Variants in POLR1C observed in about 807,000 individuals in gnomAD.
POLR1C encodes DNA-directed RNA polymerases I and III subunit RPAC1.
A neutral mutation model predicts 38.3 loss-of-function variants in POLR1C; 42 were observed. That is an observed-to-expected ratio of 1.10 (90% CI 0.86 to 1.42). POLR1C has a LOEUF of 1.42. Ranked by LOEUF, POLR1C falls within the 40% of genes most tolerant of loss-of-function variation. The pLI is 0.00. For missense variants in POLR1C, 507 were observed against 450.5 expected, an observed-to-expected ratio of 1.13 and a Z score of -1.14; for synonymous variants, 163 against 163.9, an observed-to-expected ratio of 0.99 and a Z score of 0.04.
At chr6:43,557,113 G>A (rs1162778722) in intron 10 of POLR1C, among the ~76,000 whole-genome samples, 4 of 124,232 alleles carry the variant, frequency 3.2e-5, no homozygotes, top group African/African-American at 1.0e-4. Context: ...GGGCGACAGA[G>A]CAAGACTCCA....
At chr6:43,529,198 G>T in intron 8 of POLR1C, 1 of 1,441,030 alleles carries the variant, frequency 6.9e-7, no homozygotes, top group South Asian at 1.1e-5. Flanking sequence ...AAATAGGAAG[G>T]AGGACATCCT....
chr6:43,532,846 C>T (rs1168884388), downstream of POLR1C, among the ~76,000 whole-genome samples: 1 of 152,160 alleles, frequency 6.6e-6, no homozygotes, highest in Non-Finnish European at 1.5e-5. Flanking sequence ...AGTATCCTAA[C>T]AAGGTCACAA....
chr6:43,542,335 G>A (rs767377973), intron 9 of POLR1C, among the ~76,000 whole-genome samples: 7 of 152,066 alleles, frequency 4.6e-5, no homozygotes, highest in Non-Finnish European at 7.4e-5. Flanking sequence ...ATTATTTGAC[G>A]CAGGAGGTGC....
chr6:43,521,053 G>A lies in POLR1C; in HGVS notation c.922+5G>A. On this transcript the variant is annotated splice_donor_5th_base_variant and intron_variant, in intron 8 of 8. Transcript: ENST00000642195. ...GGGTTCGAGATCATTATATCTGTGA[G>A]TATGAAGTGGTGAGATGAGTGGGCA... is the stretch of plus-strand genomic sequence containing the variant. 1 of 1,610,216 alleles carries A rather than the reference G, an allele frequency of 6.2e-7. No homozygotes were observed. The highest frequency in any genetic ancestry group is 2.2e-5 in the East Asian group (1 of 44,874).
chr6:43,528,948 T>C, intron 8 of POLR1C: 2 of 1,602,950 alleles, frequency 1.2e-6, no homozygotes, highest in Non-Finnish European at 1.7e-6. Flanking sequence ...GTTAAGAAAT[T>C]TTAGTGCATA....
intron 10 of POLR1C, chr6:43,551,315 G>A: frequency 6.2e-7 from 1 of 1,613,010 alleles, no homozygotes; most frequent in Middle Eastern, 1.7e-4. Flanking sequence ...AAGACCTGGG[G>A]CAGGAACTCT....
At chr6:43,529,280 C>T in exon 9 of POLR1C, 2 of 1,313,304 alleles carry the variant, frequency 1.5e-6, no homozygotes, top group Non-Finnish European at 2.0e-6. Context: ...CGGTGGCTCA[C>T]ACCTGTAATC....
chr6:43,517,094 C>T lies in POLR1C; in HGVS notation c.-16C>T, dbSNP rs1269243880. On this transcript the variant is annotated 5_prime_UTR_variant, in exon 1 of 9. Transcript: ENST00000642195. ...ACGCGCGAGATAGAACCTCTAGTCTCGTGGAGAGATTGAAGATGGCGGCTT... is the reference window on the plus strand; with the variant it reads ...ACGCGCGAGATAGAACCTCTAGTCTTGTGGAGAGATTGAAGATGGCGGCTT... 6.2e-7 allele frequency: 1 copy of T among 1,613,448 alleles called. No homozygotes were observed. Among genetic ancestry groups the T allele is most frequent in the Non-Finnish European group, 8.5e-7 (1 of 1,179,492 alleles).
downstream of POLR1C, chr6:43,522,687 G>T (rs1793267677): frequency 2.0e-6 from 1 of 492,402 alleles, no homozygotes; most frequent in South Asian, 1.5e-5. Flanking sequence ...TGTAGCTTCA[G>T]TCCACTTCGG....
intron 10 of POLR1C, among the ~76,000 whole-genome samples, chr6:43,557,566 A>G (rs1177817849): frequency 1.3e-5 from 2 of 152,192 alleles, no homozygotes; most frequent in Admixed American, 6.5e-5. Flanking sequence ...AAACAGAGAC[A>G]GAAAGTAGAT....
downstream of POLR1C, chr6:43,521,583 G>A: frequency 1.4e-6 from 1 of 715,550 alleles, no homozygotes; most frequent in Non-Finnish European, 2.0e-6. Context: ...GGAGTGCAGT[G>A]GTGCAATCTC....
intron 9 of POLR1C, chr6:43,549,795 AC>A: frequency 1.5e-6 from 2 of 1,334,022 alleles, no homozygotes; most frequent in Non-Finnish European, 2.1e-6. Context: ...CACCCTTACT[AC>A]CCCCTCCCAT....
intron 10 of POLR1C, chr6:43,555,927 T>A: frequency 7.4e-6 from 12 of 1,613,976 alleles, no homozygotes; most frequent in African/African-American, 1.3e-5. Flanking sequence ...CCAAACGACA[T>A]GCCAACCTCA....
At chr6:43,560,834 A>T in intron 10 of POLR1C, 1 of 1,101,752 alleles carries the variant, frequency 9.1e-7, no homozygotes, top group Non-Finnish European at 1.4e-6. Flanking sequence ...GTCACATTTT[A>T]TACATGATCT....
chr6:43,543,347 G>T (rs1561873319), intron 9 of POLR1C, among the ~76,000 whole-genome samples: 1 of 152,096 alleles, frequency 6.6e-6, no homozygotes, highest in Non-Finnish European at 1.5e-5. Context: ...TAGCTACTCA[G>T]GAGGCTGAGG....
chr6:43,555,637 T>C (rs1411195653), intron 10 of POLR1C: 1 of 531,934 alleles, frequency 1.9e-6, no homozygotes, highest in Non-Finnish European at 3.0e-6. Context: ...TTTACCCTAA[T>C]TTAAAACAAA....
In POLR1C at chr6:43,546,562, C is replaced by T. The variant is rs1424426893; in HGVS notation, c.*5-4406C>T. The T allele has an allele frequency of 1.1e-5, 17 of 1,596,232 alleles. No individual in the cohort carries two copies. The highest frequency in any genetic ancestry group is 1.4e-5 in the Non-Finnish European group (17 of 1,174,184). On this transcript the variant is annotated intron_variant, in intron 9 of 10. Coordinates refer to the POLR1C transcript ENST00000607635. ...AAAACAACAGAGAAAAGCCATTATT[C>T]TGACTCACCTTATAAGCGCAAGCAA...
At chr6:43,555,685 T>C in intron 10 of POLR1C, 1 of 906,530 alleles carries the variant, frequency 1.1e-6, no homozygotes, top group Non-Finnish European at 1.5e-6. Context: ...TGTCAGCCAA[T>C]GAAAACGCTC....
downstream of POLR1C, chr6:43,525,847 T>C: frequency 6.2e-7 from 1 of 1,614,028 alleles, no homozygotes; most frequent in Non-Finnish European, 8.5e-7. Context: ...ACCTCATGCT[T>C]CATCAGACAT....
Sources: gnomAD v4.1 joint callset for allele counts (sites outside exome capture counted in the v4.1 genomes callset) on GRCh38, gnomAD v4.1.1 for gene constraint, MANE v1.5 for transcripts, NCBI Gene and HGNC (gene_info 2026-07-23, HGNC 2026-07-21) for gene names.